The following EGFL6 variants were observed in gnomAD, a reference collection of about 807,000 sequenced individuals.
EGFL6 encodes the protein EGF like domain multiple 6, also known as epidermal growth factor-like protein 6.
Under a neutral mutation model 43.1 loss-of-function variants are expected in EGFL6, and 42 were observed. The observed-to-expected ratio is 0.98, with a 90% CI of 0.76 to 1.26. The LOEUF is 1.26. EGFL6 is among the 50% of genes most tolerant of loss of function. The pLI, the probability that EGFL6 is intolerant of heterozygous loss-of-function variation, is 0.00. For synonymous variants in EGFL6, 164 were observed against 163.2 expected (o/e 1.01, Z -0.04); for missense variants, 429 against 427.8 (o/e 1.00, Z -0.02).
chrX:13,595,348 T>G (rs1206303314), intron 3 of EGFL6, among the ~76,000 whole-genome samples: 1 of 111,723 alleles, frequency 9.0e-6, no homozygotes, highest in African/African-American at 3.3e-5. Context: ...AAAGTGAGAG[T>G]GATCACCACT....
At chrX:13,575,703 A>G (rs191924174) in intron 1 of EGFL6, among the ~76,000 whole-genome samples, 53 of 112,593 alleles carry the variant, frequency 4.7e-4, no homozygotes, top group African/African-American at 1.7e-3. Flanking sequence ...CCTGATCTTT[A>G]TTTTCAGTTG....
chrX:13,631,399 A>C (rs927313936), intron 11 of EGFL6, among the ~76,000 whole-genome samples: 22 of 112,297 alleles, frequency 2.0e-4, no homozygotes, highest in Non-Finnish European at 4.1e-4. Context: ...TATTTTCATA[A>C]TTATTGAATT....
Position 13,569,870 on chromosome X carries a change from G to A in EGFL6, c.9G>A (p.Leu3=), listed in dbSNP as rs1364541994. Residue 3 remains leucine, a synonymous_variant, in exon 1 of 12, where the codon CTG becomes CTA. Coordinates refer to ENST00000361306, the MANE Select transcript of EGFL6 (RefSeq NM_015507.4). ...GGAGGACCCGTGCGAGAATGCCTCT[G>A]CCCTGGAGCCTTGCGCTCCCGCTGC... MP[L]PWSLALPLLL... 4 of 1,212,133 alleles carry A rather than the reference G, an allele frequency of 3.3e-6. No homozygotes were observed. Among genetic ancestry groups the A allele is most frequent in the East Asian group, 3.0e-5 (1 of 33,841 alleles).
intron 11 of EGFL6, 21 bp downstream of exon 11, chrX:13,627,297 T>C: frequency 1.7e-6 from 2 of 1,194,329 alleles, no homozygotes; most frequent in Non-Finnish European, 2.3e-6. Context: ...AAAAAATGAT[T>C]AAACTCAATA....
At position 13,569,939 on chromosome X, in the gene EGFL6, AGT is replaced by A; in HGVS notation, c.74+7_74+8del. ...GTGGTTTCGGGAACGCGGCCAGGTG[AGT>A]GTCTGACTGGCGATTGGCTTCCCCC... On this transcript the variant is annotated splice_donor_5th_base_variant and intron_variant, in intron 1 of 11. Coordinates refer to ENST00000361306, the MANE Select transcript of EGFL6 (RefSeq NM_015507.4). The A allele has an allele frequency of 8.3e-7, 1 of 1,209,595 alleles. No homozygotes were observed. Among genetic ancestry groups the A allele is most frequent in the East Asian group, 3.0e-5 (1 of 33,772 alleles).
At chrX:13,598,852 CAT>C (rs1279366061) in intron 3 of EGFL6, among the ~76,000 whole-genome samples, 3 of 68,809 alleles carry the variant, frequency 4.4e-5, no homozygotes, top group African/African-American at 1.4e-4. Flanking sequence ...ATATAATTCA[CAT>C]ATATAATTCA....
intron 3 of EGFL6, among the ~76,000 whole-genome samples, chrX:13,598,326 C>G (rs765083304): frequency 8.9e-6 from 1 of 111,750 alleles, no homozygotes; most frequent in East Asian, 2.8e-4. Context: ...AGGATATTTT[C>G]AGAGATGAAA....
intron 11 of EGFL6, among the ~76,000 whole-genome samples, chrX:13,629,963 C>T (rs753189446): frequency 8.9e-6 from 1 of 112,280 alleles, no homozygotes; most frequent in Admixed American, 9.4e-5. Flanking sequence ...TCTTCAACTT[C>T]CATGCCAGGC....
chrX:13,596,815 G>A (rs1181778158), intron 3 of EGFL6, among the ~76,000 whole-genome samples: 2 of 112,307 alleles, frequency 1.8e-5, no homozygotes, highest in Non-Finnish European at 3.8e-5. Flanking sequence ...ATGCTGCAAA[G>A]CACCTTACAC....
intron 9 of EGFL6, among the ~76,000 whole-genome samples, chrX:13,620,931 C>T (rs1037079115): frequency 1.8e-5 from 2 of 112,076 alleles, no homozygotes; most frequent in African/African-American, 6.5e-5. Flanking sequence ...GTAATTTCAA[C>T]AGTCCTTGAG....
chrX:13,610,124 G>T (rs1213292625), intron 7 of EGFL6, among the ~76,000 whole-genome samples: 1 of 112,171 alleles, frequency 8.9e-6, no homozygotes, highest in Non-Finnish European at 1.9e-5. Context: ...ATGTATAAAA[G>T]AATATAACCA....
At chrX:13,608,554 C>T (rs984598582) in intron 7 of EGFL6, 108 bp downstream of exon 7, 3 of 979,071 alleles carry the variant, frequency 3.1e-6, no homozygotes, top group Middle Eastern at 2.7e-4. Context: ...TCGCCTTCTC[C>T]CTCTCCCTTA....
chrX:13,606,570 T>C lies in EGFL6; in HGVS notation c.655+57T>C. ...CCTGTCCCCACCAAACCTTTGAGCC[T>C]TCTCTGCAGATATTTTGATGTCAAT... is the stretch of plus-strand genomic sequence containing the variant. On this transcript the variant is annotated intron_variant, in intron 6 of 11. Transcript: ENST00000361306. The C allele has an allele frequency of 2.6e-6, 3 of 1,139,103 alleles. No individual in the cohort carries two copies. The Admixed American group carries it at 6.7e-5, about 26-fold the overall frequency. The allele number at this position is 1,139,103 out of a possible 1,213,427, so 93.9% of individuals were successfully genotyped here.
intron 11 of EGFL6, among the ~76,000 whole-genome samples, chrX:13,628,690 C>G (rs1240881145): frequency 9.0e-6 from 1 of 111,574 alleles, no homozygotes; most frequent in Non-Finnish European, 1.9e-5. Flanking sequence ...GCCTGTAATC[C>G]CAGCTACTCA....
At chrX:13,613,197 G>A (rs747330077) in intron 7 of EGFL6, among the ~76,000 whole-genome samples, 232 of 97,501 alleles carry the variant, frequency 2.4e-3, no homozygotes, top group Non-Finnish European at 3.6e-3. Context: ...ATATGGCATT[G>A]ATGTAGCAAC....
intron 7 of EGFL6, among the ~76,000 whole-genome samples, chrX:13,615,870 A>G (rs1468044640): frequency 8.9e-6 from 1 of 111,757 alleles, no homozygotes; most frequent in African/African-American, 3.3e-5. Flanking sequence ...TGGAGAAGGA[A>G]CAAAGCAGGA....
At chrX:13,571,503 G>A (rs1454639000) in intron 1 of EGFL6, among the ~76,000 whole-genome samples, 1 of 111,739 alleles carries the variant, frequency 8.9e-6, no homozygotes, top group Admixed American at 9.5e-5. Flanking sequence ...TGCGTTGCTA[G>A]AAAGCCCACT....
chrX:13,598,054 C>T (rs990310790), intron 3 of EGFL6, among the ~76,000 whole-genome samples: 4 of 112,248 alleles, frequency 3.6e-5, no homozygotes, highest in Admixed American at 9.4e-5. Flanking sequence ...TCAAAGTCCA[C>T]GTACATCCAT....
At chrX:13,577,296 TTTTATATATATATATATATA>T (rs1446688082) in intron 1 of EGFL6, among the ~76,000 whole-genome samples, 7 of 6,240 alleles carry the variant, frequency 1.1e-3, no homozygotes, top group African/African-American at 2.8e-3. Context: ...TATATATGAA[TTTTATATATATATATATATA>T]TATATATATA....
Sources: gnomAD v4.1 joint callset for allele counts (sites outside exome capture counted in the v4.1 genomes callset) on GRCh38, gnomAD v4.1.1 for gene constraint, MANE v1.5 for transcripts, NCBI Gene and HGNC (gene_info 2026-07-23, HGNC 2026-07-21) for gene names.